The following RYR2 variants were observed in gnomAD, a reference collection of about 807,000 sequenced individuals.
RYR2 encodes the protein cardiac muscle ryanodine receptor-calcium release channel.
A neutral mutation model predicts 601.1 loss-of-function variants in RYR2; 227 were observed. The ratio of observed to expected loss-of-function variants is 0.38; its 90% CI spans 0.34 to 0.42. The LOEUF (loss-of-function observed/expected upper bound fraction) is 0.42. RYR2 is among the 10% of genes least tolerant of loss of function. The probability of loss-of-function intolerance (pLI) is 1.00; values close to 1 mark genes in which losing one functional copy is unlikely to be tolerated. For synonymous variants in RYR2, 2,223 were observed against 2,175.1 expected, an observed-to-expected ratio of 1.02 and a Z score of -0.61; for missense variants, 4,646 against 6,156.5, an observed-to-expected ratio of 0.75 and a Z score of 8.21.
chr1:237,064,643 G>T (rs554829709), intron 1 of RYR2, among the ~76,000 whole-genome samples: 1 of 152,010 alleles, frequency 6.6e-6, no homozygotes, highest in South Asian at 2.1e-4. Flanking sequence ...ATCTCATTGA[G>T]GCTTATTTGT....
chr1:237,096,405 C>T (rs78774164), intron 1 of RYR2, among the ~76,000 whole-genome samples: 4,527 of 152,252 alleles, frequency 0.03, 83 homozygotes, highest in East Asian at 0.066. Flanking sequence ...GAAATGTACA[C>T]TTCTCGTTAA....
In RYR2 at chr1:237,625,743, G is replaced by C. The variant is rs758415567; in HGVS notation, c.6105G>C (p.Lys2035Asn). ...GGCGTCTGCTATCCCTGGTAGAAAA[G>C]GTGACATATCTGAAGAAGAAGCAAG... ...IRGRLLSLVEKVTYLKKKQAE... is the reference protein window; with the variant it reads ...IRGRLLSLVENVTYLKKKQAE... The change falls in exon 40 of 105, where the codon AAG (lysine) becomes AAC (asparagine). Residue 2035 changes from lysine to asparagine, a missense_variant. Lys to Asn is a moderately conservative substitution (Grantham distance 94, BLOSUM62 0). This residue lies in a region of RYR2 where 170 missense variants were observed against 184.5 expected (regional missense o/e 0.92). Coordinates refer to ENST00000366574, the MANE Select transcript of RYR2 (RefSeq NM_001035.3). 6.2e-7 allele frequency: 1 copy of C among 1,613,772 alleles called. No homozygotes were observed. The highest frequency in any genetic ancestry group is 8.5e-7 in the Non-Finnish European group (1 of 1,179,836).
In RYR2 at chr1:237,454,993, C is replaced by T. The variant is rs371761672; in HGVS notation, c.1476+419C>T. ...ATGGCCCAGGATCTATAGGAAGCTT[C>T]GTGTTGGGGATGGAAGCTGTCAGGA... is the stretch of plus-strand genomic sequence containing the variant. On this transcript the variant is annotated intron_variant, in intron 15 of 104. Transcript: ENST00000366574. Among the ~76,000 whole-genome samples, 23 of 152,242 alleles carry T rather than the reference C, an allele frequency of 1.5e-4. No individual in the cohort carries two copies. The East Asian group carries it at 2.3e-3, about 15-fold the overall frequency.
chr1:237,558,504 G>A (rs1318042906), intron 27 of RYR2, among the ~76,000 whole-genome samples: 3 of 152,146 alleles, frequency 2.0e-5, no homozygotes, highest in Non-Finnish European at 4.4e-5. Flanking sequence ...CCTTGTATGT[G>A]ATGAGTTGCT....
chr1:237,045,594 T>G (rs1553269131), intron 1 of RYR2, among the ~76,000 whole-genome samples: 2 of 152,194 alleles, frequency 1.3e-5, no homozygotes, highest in Non-Finnish European at 2.9e-5. Context: ...ACTTATTTTA[T>G]GAGAGAAAAA....
chr1:237,728,339 G>A (rs1489954807), intron 76 of RYR2, among the ~76,000 whole-genome samples: 1 of 152,050 alleles, frequency 6.6e-6, no homozygotes, highest in Non-Finnish European at 1.5e-5. Context: ...TCAATTCTCT[G>A]ACTCAATTAT....
At position 237,687,520 on chromosome 1, in the gene RYR2, A is replaced by G. The variant is rs1686534581; in HGVS notation, c.9067+16A>G. 6.3e-7 allele frequency: 1 copy of G among 1,596,054 alleles called. No individual in the cohort carries two copies. Among genetic ancestry groups the G allele is most frequent in the African/African-American group, 1.3e-5 (1 of 74,578 alleles). On this transcript the variant is annotated intron_variant, in intron 63 of 104. Coordinates refer to ENST00000366574, the MANE Select transcript of RYR2 (RefSeq NM_001035.3). Reference sequence around the variant, plus strand: ...TCACTATTTGGTAAGGAGACCCTTGAAAAAATACAAGCATGGCCATCACTT... The same window carrying G: ...TCACTATTTGGTAAGGAGACCCTTGGAAAAATACAAGCATGGCCATCACTT...
intron 23 of RYR2, among the ~76,000 whole-genome samples, chr1:237,510,774 G>A (rs1039550323): frequency 4.6e-5 from 7 of 152,216 alleles, no homozygotes; most frequent in Middle Eastern, 3.2e-3. Context: ...AGGTCTCTGA[G>A]AAGATAACAA....
At chr1:237,164,423 T>C (rs1401239975) in intron 1 of RYR2, among the ~76,000 whole-genome samples, 2 of 152,192 alleles carry the variant, frequency 1.3e-5, no homozygotes, top group East Asian at 3.8e-4. Context: ...CATGTCATTG[T>C]TGGGTGCACA....
chr1:237,110,534 C>T (rs1001156683), intron 1 of RYR2, among the ~76,000 whole-genome samples: 1 of 150,532 alleles, frequency 6.6e-6, no homozygotes, highest in Admixed American at 6.7e-5. Flanking sequence ...TTTGTCCTTT[C>T]GATAGTTTGC....
intron 4 of RYR2, among the ~76,000 whole-genome samples, chr1:237,357,050 CTT>C (rs5781951): frequency 6.6e-6 from 1 of 151,116 alleles, no homozygotes; most frequent in Admixed American, 6.6e-5. Context: ...GTTCTCTTGT[CTT>C]TTTTTTTAAA....
intron 3 of RYR2, 23 bp from the exon 4 acceptor site, chr1:237,355,942 A>G (rs746708126): frequency 4.4e-6 from 7 of 1,590,022 alleles, no homozygotes; most frequent in Non-Finnish European, 6.0e-6. Context: ...TTTGTTATTT[A>G]TTTTGGCTTT....
intron 62 of RYR2, 95 bp downstream of exon 62, chr1:237,680,672 A>G: frequency 1.2e-6 from 1 of 849,342 alleles, no homozygotes; most frequent in South Asian, 2.0e-5. Flanking sequence ...CTGTACGGAG[A>G]GTATCTGCCC....
intron 2 of RYR2, among the ~76,000 whole-genome samples, chr1:237,280,162 A>G (rs1690713878): frequency 1.3e-5 from 2 of 152,306 alleles, no homozygotes; most frequent in South Asian, 4.1e-4. Context: ...GATGCATAAT[A>G]GTTGTGATAT....
At chr1:237,262,423 T>C (rs891684183) in intron 1 of RYR2, among the ~76,000 whole-genome samples, 1 of 151,842 alleles carries the variant, frequency 6.6e-6, no homozygotes. Flanking sequence ...GCCCAGCTAA[T>C]TTTTTCTATT....
chr1:237,726,312 A>T lies in RYR2; in HGVS notation c.10725+4A>T, dbSNP rs116444428. 1.0e-4 allele frequency: 165 copies of T among 1,575,256 alleles called. No individual in the cohort carries two copies. Among genetic ancestry groups the T allele is most frequent in the Non-Finnish European group, 1.3e-4 (150 of 1,150,636 alleles). On this transcript the variant is annotated splice_donor_region_variant and intron_variant, in intron 75 of 104. Transcript: ENST00000366574. ...GGGTCGGAGACATTACTGTCTGGGA[A>T]GTACAGTGCTCAATGGCCTAGAGAT... is the stretch of plus-strand genomic sequence containing the variant.
intron 10 of RYR2, among the ~76,000 whole-genome samples, chr1:237,408,189 C>T (rs892431859): frequency 2.0e-5 from 3 of 151,904 alleles, no homozygotes; most frequent in Non-Finnish European, 4.4e-5. Flanking sequence ...TTATAGTTCT[C>T]TGTGTTACAT....
chr1:237,741,173 A>G (rs543087164), intron 79 of RYR2, among the ~76,000 whole-genome samples: 5 of 152,308 alleles, frequency 3.3e-5, no homozygotes, highest in African/African-American at 1.2e-4. Context: ...CATTATAAAC[A>G]GAAAGCGTGG....
At chr1:237,105,089 A>G (rs548274536) in intron 1 of RYR2, among the ~76,000 whole-genome samples, 1 of 152,296 alleles carries the variant, frequency 6.6e-6, no homozygotes, top group Non-Finnish European at 1.5e-5. Context: ...CCTTCCTGAC[A>G]TGAGTCTCAG....
Sources: allele counts gnomAD v4.1 joint callset (sites outside exome capture counted in the v4.1 genomes callset), GRCh38; gene constraint gnomAD v4.1.1; regional missense constraint gnomAD v4.1.1; transcripts MANE v1.5; gene names NCBI Gene and HGNC (gene_info 2026-07-23, HGNC 2026-07-21).